MEF2C: variants seen among roughly 807,000 people sequenced by gnomAD.
MEF2C encodes myocyte-specific enhancer factor 2C.
MEF2C carries 6 observed loss-of-function variants against 50.5 expected under a neutral mutation model. That is an observed-to-expected ratio of 0.12 (90% CI 0.07 to 0.23). The LOEUF (loss-of-function observed/expected upper bound fraction) is 0.23. MEF2C is among the 10% of genes least tolerant of loss of function. MEF2C has a pLI of 1.00. For synonymous variants in MEF2C, 183 were observed against 228.0 expected, an observed-to-expected ratio of 0.80 and a Z score of 1.78; for missense variants, 276 against 605.0, an observed-to-expected ratio of 0.46 and a Z score of 5.70.
At chr5:88,776,198 A>G (rs565015962) in intron 3 of MEF2C, among the ~76,000 whole-genome samples, 17 of 152,254 alleles carry the variant, frequency 1.1e-4, no homozygotes, top group African/African-American at 3.8e-4. Flanking sequence ...CCATAATTAA[A>G]AAAATTATTA....
intron 6 of MEF2C, chr5:88,734,971 T>C: frequency 1.0e-6 from 1 of 985,412 alleles, no homozygotes; most frequent in Non-Finnish European, 1.2e-6. Context: ...CTGCTGTTTT[T>C]AGCATATTGT....
At chr5:88,747,417 C>T (rs1414447534) in intron 6 of MEF2C, among the ~76,000 whole-genome samples, 3 of 19,812 alleles carry the variant, frequency 1.5e-4, no homozygotes, top group Admixed American at 5.6e-4. Flanking sequence ...GGCGGGATCT[C>T]GGCTCACTGC....
intron 3 of MEF2C, chr5:88,771,317 T>C (rs1161402503): frequency 1.8e-6 from 1 of 553,848 alleles, no homozygotes; most frequent in African/African-American, 2.0e-5. Context: ...TGCTTTGATA[T>C]ACGCCATTCC....
At chr5:88,743,083 C>A (rs1352258421) in intron 6 of MEF2C, 5 of 971,628 alleles carry the variant, frequency 5.1e-6, no homozygotes, top group Non-Finnish European at 6.1e-6. Flanking sequence ...ACAATACTTT[C>A]AAAACAGAAC....
At chr5:88,723,825 T>C (rs1292274430) in intron 10 of MEF2C, among the ~76,000 whole-genome samples, 2 of 152,254 alleles carry the variant, frequency 1.3e-5, no homozygotes, top group African/African-American at 4.8e-5. Context: ...AGTGTGATTT[T>C]ACTGTGTTTA....
chr5:88,766,851 A>G lies in MEF2C; in HGVS notation c.259-5523T>C, dbSNP rs976638408. 6.1e-6 allele frequency: 6 copies of G among 984,028 alleles called. No homozygotes were observed. The Admixed American group carries it at 3.1e-4, about 50-fold the overall frequency. 61.0% of individuals were successfully genotyped at this position (984,028 alleles called of 1,614,324 possible). A position where few individuals can be genotyped will look rare whatever the true frequency, so the allele number is the denominator to read the frequency against. ...CAAAAACCAAGAAAAAAAAGCATCAACTTAGAAAAGGTAGTTTCCTTTCCT... is the reference window on the plus strand; with the variant it reads ...CAAAAACCAAGAAAAAAAAGCATCAGCTTAGAAAAGGTAGTTTCCTTTCCT... On this transcript the variant is annotated intron_variant, in intron 3 of 10. Transcript: ENST00000504921.
At chr5:88,733,892 C>T (rs1762726093) in intron 6 of MEF2C, 1 of 985,178 alleles carries the variant, frequency 1.0e-6, no homozygotes, top group African/African-American at 1.7e-5. Flanking sequence ...TATAAGAAAA[C>T]TTCTGGAATA....
At chr5:88,745,645 A>G (rs545500298) in intron 6 of MEF2C, among the ~76,000 whole-genome samples, 11 of 74,030 alleles carry the variant, frequency 1.5e-4, no homozygotes, top group East Asian at 9.7e-4. Context: ...CCCCATCTCT[A>G]TAAGGAAAAA....
intron 1 of MEF2C, among the ~76,000 whole-genome samples, chr5:88,829,436 ATC>A (rs144319062): frequency 0.013 from 1,973 of 151,984 alleles, 17 homozygotes; most frequent in Non-Finnish European, 0.021. Flanking sequence ...CTTCCTCAAC[ATC>A]TGTTTTATTT....
At position 88,730,251 on chromosome 5, in the gene MEF2C, G is replaced by A. The variant is rs752478393; in HGVS notation, c.811-17C>T. On this transcript the variant is annotated splice_polypyrimidine_tract_variant and intron_variant, in intron 7 of 10. Transcript: ENST00000504921. ...ATCCTCAGACTGAGAGCATGCGGAAGGAGTTTTATTAATTAGTGTCCGTAA... is the reference window on the plus strand; with the variant it reads ...ATCCTCAGACTGAGAGCATGCGGAAAGAGTTTTATTAATTAGTGTCCGTAA... 1.9e-6 allele frequency: 3 copies of A among 1,568,968 alleles called. No homozygotes were observed. Among genetic ancestry groups the A allele is most frequent in the East Asian group, 4.7e-5 (2 of 42,614 alleles).
chr5:88,769,319 T>G (rs923125743), intron 3 of MEF2C, among the ~76,000 whole-genome samples: 3 of 152,188 alleles, frequency 2.0e-5, no homozygotes, highest in Non-Finnish European at 2.9e-5. Context: ...TGGGCCAACA[T>G]TTGCCTGAGG....
chr5:88,859,050 G>A (rs932118312), intron 1 of MEF2C, among the ~76,000 whole-genome samples: 3 of 152,158 alleles, frequency 2.0e-5, no homozygotes, highest in Admixed American at 6.5e-5. Context: ...AAGCATTACT[G>A]GTTATGGCAA....
At chr5:88,723,896 A>G (rs918236411) in intron 10 of MEF2C, among the ~76,000 whole-genome samples, 3 of 152,210 alleles carry the variant, frequency 2.0e-5, no homozygotes, top group African/African-American at 7.2e-5. Context: ...AAAATCTGGG[A>G]AAATTTAGAA....
At chr5:88,784,968 G>C (rs774806054) in intron 3 of MEF2C, among the ~76,000 whole-genome samples, 1 of 152,112 alleles carries the variant, frequency 6.6e-6, no homozygotes, top group African/African-American at 2.4e-5. Context: ...AAGAGCAGTA[G>C]GGGGCCAACA....
At chr5:88,794,238 T>C (rs1795059183) in intron 3 of MEF2C, among the ~76,000 whole-genome samples, 1 of 152,224 alleles carries the variant, frequency 6.6e-6, no homozygotes, top group Non-Finnish European at 1.5e-5. Context: ...CCACAATGGT[T>C]GAACTAGTTT....
intron 1 of MEF2C, among the ~76,000 whole-genome samples, chr5:88,832,494 C>T (rs1813447950): frequency 6.6e-6 from 1 of 151,956 alleles, no homozygotes; most frequent in Non-Finnish European, 1.5e-5. Flanking sequence ...TAATGATGTT[C>T]CCAGGCCTTC....
intron 10 of MEF2C, 39 bp from the exon 11 acceptor site, chr5:88,722,964 G>C: frequency 2.0e-5 from 30 of 1,488,788 alleles, no homozygotes; most frequent in Non-Finnish European, 2.3e-5. Flanking sequence ...GATGAAGGAG[G>C]CCTGGAGGCC....
At chr5:88,891,237 T>G (rs1834512940) in intron 1 of MEF2C, among the ~76,000 whole-genome samples, 1 of 152,154 alleles carries the variant, frequency 6.6e-6, no homozygotes, top group African/African-American at 2.4e-5. Context: ...CTTAAAGAGC[T>G]AAAAAGCATT....
intron 1 of MEF2C, among the ~76,000 whole-genome samples, chr5:88,826,497 T>A (rs1296396291): frequency 1.3e-5 from 2 of 151,940 alleles, no homozygotes; most frequent in African/African-American, 4.8e-5. Flanking sequence ...GTTTAGAACA[T>A]TTGATTATGG....
Sources: gnomAD v4.1 joint callset for allele counts (sites outside exome capture counted in the v4.1 genomes callset) on GRCh38, gnomAD v4.1.1 for gene constraint, MANE v1.5 for transcripts, NCBI Gene and HGNC (gene_info 2026-07-23, HGNC 2026-07-21) for gene names.